Variants in COL25A1 observed in about 807,000 individuals in gnomAD.
COL25A1 encodes collagen alpha-1(XXV) chain.
A neutral mutation model predicts 128.4 loss-of-function variants in COL25A1; 103 were observed. The ratio of observed to expected loss-of-function variants is 0.80; its 90% CI spans 0.68 to 0.94. The LOEUF is 0.94. Ranked by LOEUF, COL25A1 falls within the 40% of genes least tolerant of loss-of-function variation. COL25A1 has a pLI of 0.00. For missense variants in COL25A1, 745 were observed against 840.0 expected (o/e 0.89, Z 1.40); for synonymous variants, 279 against 277.2 (o/e 1.01, Z -0.06).
intron 19 of COL25A1, among the ~76,000 whole-genome samples, chr4:108,878,695 T>C (rs1739746794): frequency 6.6e-6 from 1 of 152,146 alleles, no homozygotes; most frequent in South Asian, 2.1e-4. Flanking sequence ...TGAACTATAA[T>C]AGCAGGTTTA....
At chr4:108,973,735 G>A (rs1020226070) in intron 8 of COL25A1, among the ~76,000 whole-genome samples, 2 of 152,162 alleles carry the variant, frequency 1.3e-5, no homozygotes, top group Non-Finnish European at 2.9e-5. Flanking sequence ...TGAAGTAGAG[G>A]ACTTGGCACT....
intron 3 of COL25A1, among the ~76,000 whole-genome samples, chr4:109,154,870 T>C (rs551233403): frequency 2.5e-4 from 38 of 152,340 alleles, no homozygotes; most frequent in African/African-American, 8.9e-4. Context: ...ATAATTAAGA[T>C]ACATTGTCTT....
At chr4:108,962,204 T>G (rs1394456081) in intron 8 of COL25A1, among the ~76,000 whole-genome samples, 1 of 151,956 alleles carries the variant, frequency 6.6e-6, no homozygotes, top group Non-Finnish European at 1.5e-5. Flanking sequence ...TCTTTTTTTT[T>G]TGAGACGGAG....
intron 37 of COL25A1, among the ~76,000 whole-genome samples, chr4:108,814,679 C>T (rs1467172536): frequency 6.6e-6 from 1 of 152,182 alleles, no homozygotes; most frequent in African/African-American, 2.4e-5. Context: ...TATACACTTA[C>T]AAAGCAGATC....
At chr4:108,924,742 T>G (rs1472327030) in intron 11 of COL25A1, among the ~76,000 whole-genome samples, 1 of 152,192 alleles carries the variant, frequency 6.6e-6, no homozygotes, top group Non-Finnish European at 1.5e-5. Flanking sequence ...TACTTAAATA[T>G]CTTTCAATGG....
intron 3 of COL25A1, among the ~76,000 whole-genome samples, chr4:109,066,191 T>C (rs1762432781): frequency 6.6e-6 from 1 of 152,200 alleles, no homozygotes; most frequent in Non-Finnish European, 1.5e-5. Context: ...CAGAGCTGAT[T>C]TGCAGCTGGT....
chr4:109,092,071 G>A (rs887577454), intron 3 of COL25A1, among the ~76,000 whole-genome samples: 5 of 152,104 alleles, frequency 3.3e-5, no homozygotes, highest in Non-Finnish European at 5.9e-5. Flanking sequence ...CTCAGCTTGG[G>A]ATCATGAGAA....
chr4:109,025,267 G>T (rs1758146710), intron 5 of COL25A1, among the ~76,000 whole-genome samples: 1 of 152,158 alleles, frequency 6.6e-6, no homozygotes, highest in African/African-American at 2.4e-5. Flanking sequence ...AAAGAGACCT[G>T]CTCAGCTTCC....
At chr4:109,213,904 G>A (rs1777783782) in intron 3 of COL25A1, among the ~76,000 whole-genome samples, 1 of 152,066 alleles carries the variant, frequency 6.6e-6, no homozygotes, top group Non-Finnish European at 1.5e-5. Context: ...TCTAAGCTAT[G>A]ATGTGACATG....
chr4:109,106,737 G>A (rs1246089206), intron 3 of COL25A1, among the ~76,000 whole-genome samples: 1 of 135,912 alleles, frequency 7.4e-6, no homozygotes. Context: ...CTATATGCAT[G>A]TGTAATTCCC....
At chr4:108,826,085 A>G (rs1287267192) in intron 33 of COL25A1, among the ~76,000 whole-genome samples, 1 of 152,142 alleles carries the variant, frequency 6.6e-6, no homozygotes, top group African/African-American at 2.4e-5. Flanking sequence ...TATTATTTCA[A>G]TTCATAAAGA....
chr4:109,041,822 CAT>C (rs1759925468), intron 5 of COL25A1, among the ~76,000 whole-genome samples: 1 of 152,086 alleles, frequency 6.6e-6, no homozygotes, highest in African/African-American at 2.4e-5. Context: ...TTGGAACACA[CAT>C]GTTAAAGATG....
At chr4:109,008,759 A>G (rs1305463357) in intron 6 of COL25A1, among the ~76,000 whole-genome samples, 1 of 41,956 alleles carries the variant, frequency 2.4e-5, no homozygotes, top group Non-Finnish European at 3.5e-5. Flanking sequence ...GCGCGCGCAC[A>G]CACACACACA....
intron 3 of COL25A1, among the ~76,000 whole-genome samples, chr4:109,192,749 A>C (rs1578401966): frequency 6.6e-6 from 1 of 151,970 alleles, no homozygotes; most frequent in East Asian, 1.9e-4. Context: ...AGCTACTCAG[A>C]AGGCTGAGGC....
intron 3 of COL25A1, among the ~76,000 whole-genome samples, chr4:109,111,732 C>T (rs4454016): frequency 0.11 from 16,674 of 152,156 alleles, 1,165 homozygotes; most frequent in African/African-American, 0.18. Context: ...GATAAATTTC[C>T]ATCACACAGC....
chr4:108,915,496 T>C (rs1430577578), intron 13 of COL25A1, among the ~76,000 whole-genome samples: 2 of 152,226 alleles, frequency 1.3e-5, no homozygotes, highest in African/African-American at 4.8e-5. Context: ...CCACCTTTCC[T>C]GGCCAGTGTT....
rs1185843686 is a variant in COL25A1, at chr4:108,940,648, T to G, written c.565-2A>C. 2 of 1,579,882 alleles carry G rather than the reference T, an allele frequency of 1.3e-6. No homozygotes were observed. Among genetic ancestry groups the G allele is most frequent in the Non-Finnish European group, 1.7e-6 (2 of 1,163,766 alleles). ...AGGCCCTGCCTGTCCTTGGTCACCCTGTGATGGAGAAGGGAACAGACCAGC... is the reference window on the plus strand; with the variant it reads ...AGGCCCTGCCTGTCCTTGGTCACCCGGTGATGGAGAAGGGAACAGACCAGC... On this transcript the variant is annotated splice_acceptor_variant, in intron 9 of 37. Transcript: ENST00000399132. LOFTEE classifies it high-confidence loss of function.
chr4:109,287,744 C>A (rs183530783), intron 3 of COL25A1, among the ~76,000 whole-genome samples: 1 of 152,260 alleles, frequency 6.6e-6, no homozygotes, highest in African/African-American at 2.4e-5. Context: ...ATCCAAGTTG[C>A]CTCAGCCAAA....
chr4:109,193,837 C>T (rs2126166894), intron 3 of COL25A1, among the ~76,000 whole-genome samples: 1 of 152,222 alleles, frequency 6.6e-6, no homozygotes, highest in East Asian at 1.9e-4. Context: ...ACTTGTAGAA[C>T]CAGCCCTGCT....
Sources: gnomAD v4.1 joint callset for allele counts (sites outside exome capture counted in the v4.1 genomes callset) on GRCh38, gnomAD v4.1.1 for gene constraint, MANE v1.5 for transcripts, NCBI Gene and HGNC (gene_info 2026-07-23, HGNC 2026-07-21) for gene names.